The following ANKUB1 variants were observed in gnomAD, a reference collection of about 807,000 sequenced individuals.
The protein encoded by ANKUB1 is protein ANKUB1.
In ANKUB1, 42 loss-of-function variants were observed where a neutral mutation model predicts 49.3. That is an observed-to-expected ratio of 0.85 (90% confidence interval 0.67 to 1.10). The LOEUF is 1.10. ANKUB1 is among the 50% of genes least tolerant of loss of function. ANKUB1 has a pLI of 0.00. For synonymous variants in ANKUB1, 222 were observed against 231.0 expected, an observed-to-expected ratio of 0.96 and a Z score of 0.35; for missense variants, 613 against 642.0, an observed-to-expected ratio of 0.95 and a Z score of 0.49.
chr3:149,769,831 A>G (rs1717245092), intron 4 of ANKUB1, among the ~76,000 whole-genome samples: 1 of 152,202 alleles, frequency 6.6e-6, no homozygotes, highest in Non-Finnish European at 1.5e-5. Context: ...ATTTATTCTG[A>G]TAGTCTTTAA....
intron 4 of ANKUB1, among the ~76,000 whole-genome samples, chr3:149,770,048 A>G (rs896770526): frequency 2.6e-5 from 4 of 152,136 alleles, no homozygotes; most frequent in Admixed American, 6.5e-5. Flanking sequence ...GAAGACCTTT[A>G]TAATGATCCA....
rs1718393390 is a variant in ANKUB1, at chr3:149,792,294, C to G, written c.73G>C (p.Val25Leu). Residue 25 changes from valine to leucine, a missense_variant, in exon 1 of 6, where the codon GTC becomes CTC. Val to Leu is a conservative substitution (Grantham distance 32, BLOSUM62 1). Transcript: ENST00000446160. ...DVSADETVEV[V>L]KLMIKDYFHI... ...GTACATACCTTTATCATCAGCTTGA[C>G]AACCTCCACAGTTTCATCTGCTGAA... The G allele has an allele frequency of 6.6e-7, 1 of 1,524,842 alleles. No individual in the cohort carries two copies. The highest frequency in any genetic ancestry group is 1.4e-5 in the African/African-American group (1 of 71,964). The allele number at this position is 1,524,842 out of a possible 1,614,324, so 94.5% of individuals were successfully genotyped here. A position where few individuals can be genotyped will look rare whatever the true frequency, so the allele number is the denominator to read the frequency against.
Position 149,792,325 on chromosome 3 carries a change from A to G in ANKUB1, c.42T>C (p.Phe14=). 6.5e-7 allele frequency: 1 copy of G among 1,533,868 alleles called. No homozygotes were observed. The highest frequency in any genetic ancestry group is 1.2e-5 in the South Asian group (1 of 81,176). ...CCACAGTTTCATCTGCTGAAACATC[A>G]AACGGTTCAAAAGATCCTTCAAAGG... ...FIAFEGSFEP[F]DVSADETVEV... is the part of the protein sequence containing the mutation. The change falls in exon 1 of 6, where the codon TTT becomes TTC. Residue 14 remains phenylalanine (F), a synonymous_variant. Coordinates refer to ENST00000446160, the MANE Select transcript of ANKUB1 (RefSeq NM_001144960.3).
intron 3 of ANKUB1, among the ~76,000 whole-genome samples, chr3:149,774,029 A>G (rs980263358): frequency 2.0e-5 from 3 of 152,142 alleles, no homozygotes; most frequent in African/African-American, 7.2e-5. Flanking sequence ...AGTAACTCAG[A>G]GGGTTGGTAG....
chr3:149,783,141 C>T (rs778072943), intron 2 of ANKUB1: 1 of 152,134 alleles, frequency 6.6e-6, no homozygotes, highest in Non-Finnish European at 1.5e-5. Context: ...TAGTGAGGCA[C>T]ATTAGTTGTC....
At chr3:149,791,523 A>G (rs1417396864) in intron 1 of ANKUB1, among the ~76,000 whole-genome samples, 1 of 152,182 alleles carries the variant, frequency 6.6e-6, no homozygotes, top group African/African-American at 2.4e-5. Context: ...AGGGGTTAAT[A>G]AAACATAGAG....
chr3:149,762,132 A>T (rs1276752915), intron 5 of ANKUB1, among the ~76,000 whole-genome samples: 1 of 152,212 alleles, frequency 6.6e-6, no homozygotes, highest in Non-Finnish European at 1.5e-5. Context: ...ATGTGATTTA[A>T]TACAGAGGTG....
intron 2 of ANKUB1, among the ~76,000 whole-genome samples, chr3:149,786,274 A>T (rs1367815876): frequency 6.6e-6 from 1 of 152,104 alleles, no homozygotes; most frequent in Non-Finnish European, 1.5e-5. Flanking sequence ...TGACCTCATG[A>T]TCTACCCACC....
intron 3 of ANKUB1, among the ~76,000 whole-genome samples, chr3:149,775,872 T>C (rs532748155): frequency 4.3e-4 from 66 of 152,184 alleles, no homozygotes; most frequent in Non-Finnish European, 3.2e-4. Context: ...TCTGGTACCA[T>C]ACAGGTTGAC....
rs989686474 is a variant in ANKUB1, at chr3:149,761,470, G to C, written c.*14C>G. 35 of 1,550,864 alleles carry C rather than the reference G, an allele frequency of 2.3e-5. No individual in the cohort carries two copies. Among genetic ancestry groups the C allele is most frequent in the Middle Eastern group, 1.7e-4 (1 of 6,012 alleles). The stretch of plus-strand genomic sequence containing the variant: ...TGATCAGGTCTTTGTCCAAACTGAA[G>C]TTGTCATGACTTTTCAAAGCACAGT... On this transcript the variant is annotated 3_prime_UTR_variant, in exon 6 of 6. Coordinates refer to ENST00000446160, the MANE Select transcript of ANKUB1 (RefSeq NM_001144960.3).
Position 149,780,322 on chromosome 3 carries a change from G to C in ANKUB1, c.368C>G (p.Pro123Arg), listed in dbSNP as rs1416704878. The C allele has an allele frequency of 7.7e-6, 12 of 1,551,712 alleles. No homozygotes were observed. The highest frequency in any genetic ancestry group is 1.0e-5 in the Non-Finnish European group (12 of 1,147,032). Residue 123 changes from proline to arginine, a missense_variant, in exon 3 of 6, where the codon CCC (proline) becomes CGC (arginine). Physicochemically the swap from Pro to Arg is moderately radical, Grantham distance 103. Coordinates refer to ENST00000446160, the MANE Select transcript of ANKUB1 (RefSeq NM_001144960.3). The part of the protein sequence containing the change: ...RTLVTLRCGL[P>R]VSVYCLRTPR... Reference sequence around the variant, plus strand: ...GGTTCGGAGACAGTAGACACTCACGGGGAGGCCACATCTCAGAGTTACCAG... The same window carrying C: ...GGTTCGGAGACAGTAGACACTCACGCGGAGGCCACATCTCAGAGTTACCAG...
intron 3 of ANKUB1, among the ~76,000 whole-genome samples, chr3:149,775,284 G>C (rs370340130): frequency 1.3e-5 from 2 of 152,166 alleles, no homozygotes; most frequent in African/African-American, 4.8e-5. Flanking sequence ...TTGTTTCTCT[G>C]GTTTGAGCTT....
intron 3 of ANKUB1, among the ~76,000 whole-genome samples, chr3:149,772,805 C>T (rs1033641784): frequency 6.6e-6 from 1 of 152,322 alleles, no homozygotes; most frequent in Non-Finnish European, 1.5e-5. Flanking sequence ...CAAACTTCTT[C>T]TGGCCATGCT....
intron 2 of ANKUB1, among the ~76,000 whole-genome samples, chr3:149,782,268 A>AT (rs1038285803): frequency 1.3e-5 from 2 of 151,362 alleles, no homozygotes; most frequent in Non-Finnish European, 2.9e-5. Flanking sequence ...TAAAAAAAAA[A>AT]TTTTTTTTTA....
chr3:149,790,281 G>A (rs1718303774), intron 2 of ANKUB1, among the ~76,000 whole-genome samples: 1 of 152,240 alleles, frequency 6.6e-6, no homozygotes, highest in Non-Finnish European at 1.5e-5. Context: ...CATTGATTAA[G>A]GACCCTCTAT....
chr3:149,792,387 CA>C lies in ANKUB1; in HGVS notation c.-22del. ...CTCATTGTACAATTACCTTTTCAAACAAAAAATATCCAACTTTTTCAAAGAT... is the reference window on the plus strand; with the variant it reads ...CTCATTGTACAATTACCTTTTCAAACAAAAATATCCAACTTTTTCAAAGAT... On this transcript the variant is annotated 5_prime_UTR_variant, in exon 1 of 6. Coordinates refer to ENST00000446160, the MANE Select transcript of ANKUB1 (RefSeq NM_001144960.3). 2.8e-6 allele frequency: 4 copies of C among 1,445,560 alleles called. No homozygotes were observed. The highest frequency in any genetic ancestry group is 1.8e-4 in the Middle Eastern group (1 of 5,558). The allele number at this position is 1,445,560 out of a possible 1,614,324, so 89.5% of individuals were successfully genotyped here.
At chr3:149,787,265 G>C (rs926987034) in intron 2 of ANKUB1, among the ~76,000 whole-genome samples, 14 of 152,058 alleles carry the variant, frequency 9.2e-5, no homozygotes, top group African/African-American at 3.4e-4. Flanking sequence ...GTGGTTTGTA[G>C]TTCTCCTTGA....
rs1389995315 is a variant in ANKUB1 at position 149,770,642 on chromosome 3, A to G, written c.484T>C (p.Trp162Arg). 2 of 1,550,242 alleles carry G rather than the reference A, an allele frequency of 1.3e-6. No homozygotes were observed. Among genetic ancestry groups the G allele is most frequent in the Non-Finnish European group, 1.7e-6 (2 of 1,146,336 alleles). Residue 162 changes from tryptophan to arginine, a missense_variant, in exon 4 of 6, where the codon TGG becomes CGG. Trp to Arg is a moderately radical substitution (Grantham distance 101). Coordinates refer to ENST00000446160, the MANE Select transcript of ANKUB1 (RefSeq NM_001144960.3). ...AGACAACCCATCAGAAATTCCTTCCATCCATCCCAGACATCCAAGCGAAGT... is the reference window on the plus strand; with the variant it reads ...AGACAACCCATCAGAAATTCCTTCCGTCCATCCCAGACATCCAAGCGAAGT... ...TTLRLDVWDGWKEFLMGCLLG... is the reference protein window; with the variant it reads ...TTLRLDVWDGRKEFLMGCLLG...
chr3:149,787,215 T>G (rs1718145017), intron 2 of ANKUB1, among the ~76,000 whole-genome samples: 1 of 152,200 alleles, frequency 6.6e-6, no homozygotes, highest in Admixed American at 6.5e-5. Flanking sequence ...GCATGGAATG[T>G]TCTTCCATTT....
Sources: gnomAD v4.1 joint callset for allele counts (sites outside exome capture counted in the v4.1 genomes callset) on GRCh38, gnomAD v4.1.1 for gene constraint, MANE v1.5 for transcripts, NCBI Gene and HGNC (gene_info 2026-07-23, HGNC 2026-07-21) for gene names.